The following EML1 variants were observed in gnomAD, a reference collection of about 807,000 sequenced individuals.
EML1 encodes the protein echinoderm microtubule-associated protein-like 1.
A neutral mutation model predicts 110.4 loss-of-function variants in EML1; 27 were observed. The ratio of observed to expected loss-of-function variants is 0.24; its 90% CI spans 0.18 to 0.34. The LOEUF (loss-of-function observed/expected upper bound fraction) is 0.34, where lower values mean the gene tolerates loss of function less well. Ranked by LOEUF, EML1 falls within the 10% of genes least tolerant of loss-of-function variation. The pLI is 1.00. For missense variants in EML1, 741 were observed against 1,030.9 expected (o/e 0.72, Z 3.85); for synonymous variants, 344 against 385.8 (o/e 0.89, Z 1.27).
chr14:99,877,842 G>A (rs1035003205), intron 3 of EML1, among the ~76,000 whole-genome samples: 7 of 152,126 alleles, frequency 4.6e-5, no homozygotes, highest in Non-Finnish European at 7.4e-5. Flanking sequence ...CCACTACATG[G>A]CAGTAGCAGT....
At chr14:99,808,764 A>G (rs2058023658) in intron 1 of EML1, among the ~76,000 whole-genome samples, 1 of 152,160 alleles carries the variant, frequency 6.6e-6, no homozygotes, top group South Asian at 2.1e-4. Flanking sequence ...TAATTTCAAC[A>G]CACTCTATTT....
chr14:99,918,972 G>A (rs1245300829), intron 16 of EML1, among the ~76,000 whole-genome samples: 1 of 152,176 alleles, frequency 6.6e-6, no homozygotes, highest in Non-Finnish European at 1.5e-5. Context: ...TTGCAGCTCA[G>A]CTTTGCCACT....
At chr14:99,828,182 G>A (rs577859446) in intron 1 of EML1, among the ~76,000 whole-genome samples, 5 of 152,274 alleles carry the variant, frequency 3.3e-5, no homozygotes, top group Non-Finnish European at 7.4e-5. Flanking sequence ...GCAGTCTTCC[G>A]TTATTCAGTT....
intron 2 of EML1, among the ~76,000 whole-genome samples, chr14:99,854,552 T>C (rs1299513852): frequency 6.6e-6 from 1 of 152,152 alleles, no homozygotes; most frequent in Non-Finnish European, 1.5e-5. Flanking sequence ...TTCTTTCCCT[T>C]GAGGATACTG....
chr14:99,779,035 C>T (rs2057512493), intron 1 of EML1, among the ~76,000 whole-genome samples: 1 of 152,176 alleles, frequency 6.6e-6, no homozygotes, highest in African/African-American at 2.4e-5. Context: ...GCTGGGCACT[C>T]AGTAGGCTCT....
chr14:99,765,012 A>T (rs952814975), intron 1 of EML1, among the ~76,000 whole-genome samples: 1 of 152,206 alleles, frequency 6.6e-6, no homozygotes, highest in Non-Finnish European at 1.5e-5. Flanking sequence ...ATCATGGCTC[A>T]CTGCAGCCTC....
chr14:99,915,743 A>C (rs555526111), intron 15 of EML1, among the ~76,000 whole-genome samples: 1 of 152,188 alleles, frequency 6.6e-6, no homozygotes, highest in African/African-American at 2.4e-5. Context: ...TTTCCACTGC[A>C]TTGCACTGCA....
At chr14:99,884,602 C>A (rs2059443461) in intron 4 of EML1, among the ~76,000 whole-genome samples, 1 of 152,136 alleles carries the variant, frequency 6.6e-6, no homozygotes, top group South Asian at 2.1e-4. Context: ...GAAGGAAATA[C>A]CAGTGGCCCT....
At chr14:99,837,066 A>G (rs2058553054) in intron 1 of EML1, among the ~76,000 whole-genome samples, 1 of 148,488 alleles carries the variant, frequency 6.7e-6, no homozygotes, top group Non-Finnish European at 1.5e-5. Context: ...ATAAGTACTC[A>G]CCAGAAGACT....
At position 99,910,298 on chromosome 14, in the gene EML1, C is replaced by T. The variant is rs774953475; in HGVS notation, c.1296C>T (p.Thr432=). ...LCVTFSENGD[T]ITGDSSGNIL... ...TGACTTTCTCTGAAAACGGTGACAC[C>T]ATTACTGGAGATTCAAGTGGCAACA... Residue 432 remains threonine (T), a synonymous_variant, in exon 12 of 22, where the codon ACC becomes ACT. Coordinates refer to ENST00000262233, the MANE Select transcript of EML1 (RefSeq NM_004434.3). 23 of 1,613,378 alleles carry T rather than the reference C, an allele frequency of 1.4e-5. No homozygotes were observed. The highest frequency in any genetic ancestry group is 5.0e-5 in the Admixed American group (3 of 59,962).
chr14:99,936,401 G>A lies in EML1; in HGVS notation c.2095+67G>A. 1.4e-6 allele frequency: 2 copies of A among 1,450,166 alleles called. No individual in the cohort carries two copies. The highest frequency in any genetic ancestry group is 1.4e-5 in the African/African-American group (1 of 71,438). 89.8% of individuals were successfully genotyped at this position (1,450,166 alleles called of 1,614,324 possible). ...AAGCGTTCACTCTGAGATCCAGGGG[G>A]CCTCTGTGAGAACCCACCTCCTGTA... On this transcript the variant is annotated intron_variant, in intron 19 of 21. Transcript: ENST00000262233. The surrounding 1 kb of genome is among the most constrained non-coding windows in gnomAD (Gnocchi z 5.5).
At chr14:99,912,270 G>T (rs2140055357) in intron 13 of EML1, among the ~76,000 whole-genome samples, 1 of 152,182 alleles carries the variant, frequency 6.6e-6, no homozygotes, top group East Asian at 1.9e-4. Context: ...TTCGTACATG[G>T]CCCTCAGCTA....
intron 9 of EML1, among the ~76,000 whole-genome samples, chr14:99,904,496 A>G (rs1463326936): frequency 6.6e-6 from 1 of 152,242 alleles, no homozygotes; most frequent in African/African-American, 2.4e-5. Flanking sequence ...ATTCATGTGA[A>G]CTGAAAGGCA....
At chr14:99,855,398 G>A (rs1313557579) in intron 2 of EML1, among the ~76,000 whole-genome samples, 2 of 152,216 alleles carry the variant, frequency 1.3e-5, no homozygotes, top group African/African-American at 4.8e-5. Flanking sequence ...CAACAGCAGG[G>A]CTCATGGCAA....
chr14:99,855,000 T>C (rs1293207423), intron 2 of EML1, among the ~76,000 whole-genome samples: 3 of 152,010 alleles, frequency 2.0e-5, no homozygotes, highest in Admixed American at 2.0e-4. Context: ...AAAAACTGGA[T>C]AGGAAACAAT....
Position 99,796,629 on chromosome 14 carries a change from A to G in EML1, c.67+3086A>G, listed in dbSNP as rs543623668. ...CTCAGTCTCTCAAGTAGCTGGGACTACAGGTGCGTGCTATCATGCCCAGCT... is the reference window on the plus strand; with the variant it reads ...CTCAGTCTCTCAAGTAGCTGGGACTGCAGGTGCGTGCTATCATGCCCAGCT... On this transcript the variant is annotated intron_variant, in intron 1 of 21. Transcript: ENST00000262233. Among the ~76,000 whole-genome samples, 8 of 151,780 alleles carry G rather than the reference A, an allele frequency of 5.3e-5. No homozygotes were observed. The South Asian group carries it at 1.5e-3, about 28-fold the overall frequency.
chr14:99,870,911 C>T (rs747217970), intron 3 of EML1, among the ~76,000 whole-genome samples: 3 of 152,146 alleles, frequency 2.0e-5, no homozygotes, highest in Non-Finnish European at 4.4e-5. Flanking sequence ...ATTCTGCAGC[C>T]CTTGGATCAA....
chr14:99,861,682 A>G (rs2059005715), intron 2 of EML1, among the ~76,000 whole-genome samples: 1 of 152,096 alleles, frequency 6.6e-6, no homozygotes, highest in African/African-American at 2.4e-5. Flanking sequence ...AGGTTTCACC[A>G]TGTTGGCCAG....
chr14:99,923,638 GCC>G (rs34964668), intron 17 of EML1, among the ~76,000 whole-genome samples: 1 of 126,850 alleles, frequency 7.9e-6, no homozygotes, highest in Admixed American at 7.3e-5. Context: ...ACTCAGTTCT[GCC>G]CCCTTCACCT....
Sources: allele counts gnomAD v4.1 joint callset (sites outside exome capture counted in the v4.1 genomes callset), GRCh38; gene constraint gnomAD v4.1.1; non-coding constraint Gnocchi (gnomAD v3.1); transcripts MANE v1.5; gene names NCBI Gene and HGNC (gene_info 2026-07-23, HGNC 2026-07-21).